The following NKAIN2 variants were observed in gnomAD, a reference collection of about 807,000 sequenced individuals.
NKAIN2 encodes the protein sodium/potassium transporting ATPase interacting 2.
Under a neutral mutation model 32.6 loss-of-function variants are expected in NKAIN2, and 14 were observed. The ratio of observed to expected loss-of-function variants is 0.43; its 90% CI spans 0.28 to 0.67. The LOEUF (loss-of-function observed/expected upper bound fraction) is 0.67. Ranked by LOEUF, NKAIN2 falls within the 30% of genes least tolerant of loss-of-function variation. NKAIN2 has a pLI of 0.17. For missense variants in NKAIN2, 198 were observed against 258.3 expected, an observed-to-expected ratio of 0.77 and a Z score of 1.60; for synonymous variants, 80 against 87.2, an observed-to-expected ratio of 0.92 and a Z score of 0.46.
intron 1 of NKAIN2, among the ~76,000 whole-genome samples, chr6:124,147,624 G>A (rs576312261): frequency 7.2e-5 from 11 of 151,780 alleles, no homozygotes; most frequent in African/African-American, 2.7e-4. Context: ...AAAAGCCCAC[G>A]AAAAAACAAA....
rs566588343 is a variant in NKAIN2, at chr6:124,412,785, A to C, written c.273+57438A>C. On this transcript the variant is annotated intron_variant, in intron 3 of 6. Coordinates refer to ENST00000368417, the MANE Select transcript of NKAIN2 (RefSeq NM_001040214.3). ...CTGCCCCCAGAGGTGGAGCCTACCT[A>C]GGCAGGCAGGCCTCCTTGATCTGTG... 2.0e-5 allele frequency among the ~76,000 whole-genome samples: 3 copies of C among 152,264 alleles called. No individual in the cohort carries two copies. In the East Asian group the frequency reaches 5.8e-4, roughly 29 times the overall value.
intron 3 of NKAIN2, among the ~76,000 whole-genome samples, chr6:124,368,884 A>G (rs1022287277): frequency 6.6e-5 from 10 of 152,192 alleles, no homozygotes; most frequent in Admixed American, 6.5e-5. Flanking sequence ...TCTCTCATAG[A>G]TCAAAAGCTT....
intron 1 of NKAIN2, among the ~76,000 whole-genome samples, chr6:123,971,727 CTTAG>C (rs1450702465): frequency 2.0e-5 from 3 of 152,174 alleles, no homozygotes; most frequent in Admixed American, 1.3e-4. Context: ...GTCTTCTGCT[CTTAG>C]TTAGTGAAAT....
chr6:124,134,419 C>A (rs961190272), intron 1 of NKAIN2, among the ~76,000 whole-genome samples: 69 of 152,134 alleles, frequency 4.5e-4, no homozygotes, highest in Non-Finnish European at 1.3e-4. Flanking sequence ...GGCACGGTGG[C>A]TCATACTTAT....
At chr6:123,918,358 C>T (rs1158324171) in intron 1 of NKAIN2, among the ~76,000 whole-genome samples, 1 of 152,156 alleles carries the variant, frequency 6.6e-6, no homozygotes, top group Admixed American at 6.6e-5. Context: ...TGAGGAAATA[C>T]TCTCTTAGTA....
chr6:124,651,853 GTCTT>G (rs1329116925), intron 3 of NKAIN2, among the ~76,000 whole-genome samples: 1 of 152,098 alleles, frequency 6.6e-6, no homozygotes, highest in Non-Finnish European at 1.5e-5. Flanking sequence ...AATAACACCT[GTCTT>G]TCTTCTAGCC....
intron 1 of NKAIN2, among the ~76,000 whole-genome samples, chr6:124,091,868 T>A (rs1424573282): frequency 1.3e-5 from 2 of 151,978 alleles, no homozygotes; most frequent in Non-Finnish European, 2.9e-5. Flanking sequence ...CTTTCCCGCA[T>A]CATATGCAGA....
intron 3 of NKAIN2, among the ~76,000 whole-genome samples, chr6:124,591,041 G>A (rs1003680798): frequency 2.0e-5 from 3 of 152,332 alleles, no homozygotes; most frequent in African/African-American, 7.2e-5. Context: ...TTAGGAGCCC[G>A]ATTTGCTTTT....
At position 124,647,121 on chromosome 6, in the gene NKAIN2, G is replaced by A. The variant is rs113398915; in HGVS notation, c.274-11065G>A. ...GGATATGTAAATATTTAGGAAAACT[G>A]TAAAAAAAAAGTCACGTGAACACTA... On this transcript the variant is annotated intron_variant, in intron 3 of 6. Transcript: ENST00000368417. Among the ~76,000 whole-genome samples, 965 of 151,474 alleles carry A rather than the reference G, an allele frequency of 6.4e-3. 14 individuals are homozygous for A. The highest frequency in any genetic ancestry group is 0.022 in the African/African-American group (925 of 41,262).
At chr6:124,810,137 G>A (rs1276630311) in intron 5 of NKAIN2, among the ~76,000 whole-genome samples, 22 of 151,756 alleles carry the variant, frequency 1.4e-4, no homozygotes, top group Admixed American at 6.6e-4. Flanking sequence ...TACTGGGTAT[G>A]TACCCAAAGG....
chr6:124,660,089 C>T (rs1784692261), intron 4 of NKAIN2, among the ~76,000 whole-genome samples: 1 of 152,050 alleles, frequency 6.6e-6, no homozygotes, highest in Non-Finnish European at 1.5e-5. Flanking sequence ...ATCATTATCA[C>T]ATGAGAAAAG....
intron 6 of NKAIN2, among the ~76,000 whole-genome samples, chr6:124,822,804 G>A (rs958683217): frequency 2.6e-5 from 4 of 151,570 alleles, no homozygotes; most frequent in South Asian, 2.1e-4. Context: ...AAAAAATCCC[G>A]TGTCTACAGC....
chr6:123,890,495 C>G (rs1773952837), intron 1 of NKAIN2, among the ~76,000 whole-genome samples: 1 of 151,658 alleles, frequency 6.6e-6, no homozygotes, highest in Non-Finnish European at 1.5e-5. Flanking sequence ...GCTGGTAATG[C>G]AATTGATAAC....
intron 1 of NKAIN2, among the ~76,000 whole-genome samples, chr6:123,895,624 A>T (rs769994756): frequency 6.6e-6 from 1 of 152,174 alleles, no homozygotes; most frequent in Non-Finnish European, 1.5e-5. Context: ...GAAGACTGTA[A>T]CTAGGGTGGG....
At chr6:124,489,695 C>T (rs1229812928) in intron 3 of NKAIN2, among the ~76,000 whole-genome samples, 2 of 151,828 alleles carry the variant, frequency 1.3e-5, no homozygotes, top group Non-Finnish European at 1.5e-5. Flanking sequence ...CTATTGAATG[C>T]ATATTGCTTT....
chr6:124,044,359 T>C (rs1782023748), intron 1 of NKAIN2, among the ~76,000 whole-genome samples: 1 of 152,094 alleles, frequency 6.6e-6, no homozygotes, highest in Non-Finnish European at 1.5e-5. Context: ...CCACAGACTT[T>C]GGGTTGGTGT....
At chr6:123,899,031 T>G (rs539440323) in intron 1 of NKAIN2, among the ~76,000 whole-genome samples, 2 of 152,224 alleles carry the variant, frequency 1.3e-5, no homozygotes, top group Non-Finnish European at 2.9e-5. Flanking sequence ...CAGAGGTGGG[T>G]CAAATCACTT....
At chr6:124,540,337 G>A (rs551055153) in intron 3 of NKAIN2, among the ~76,000 whole-genome samples, 1 of 152,290 alleles carries the variant, frequency 6.6e-6, no homozygotes, top group Non-Finnish European at 1.5e-5. Flanking sequence ...AGTCTCATGG[G>A]TCTACATCAG....
chr6:124,269,190 T>C lies in NKAIN2; in HGVS notation c.55-13815T>C, dbSNP rs182179897. Among the ~76,000 whole-genome samples the C allele has an allele frequency of 1.6e-4, 24 of 152,280 alleles. No homozygotes were observed. The East Asian group carries it at 3.3e-3, about 21-fold the overall frequency. ...AACTGATAGAAAATATCATGTCTTA[T>C]TACACTTACCCATGGAAAGCCACAG... On this transcript the variant is annotated intron_variant, in intron 1 of 6. Coordinates refer to ENST00000368417, the MANE Select transcript of NKAIN2 (RefSeq NM_001040214.3).
Sources: gnomAD v4.1 joint callset for allele counts (sites outside exome capture counted in the v4.1 genomes callset) on GRCh38, gnomAD v4.1.1 for gene constraint, MANE v1.5 for transcripts, NCBI Gene and HGNC (gene_info 2026-07-23, HGNC 2026-07-21) for gene names.